The following ZNF618 variants were observed in gnomAD, a reference collection of about 807,000 sequenced individuals.
The protein encoded by ZNF618 is neural precursor cell expressed, developmentally down-regulated 10.
A neutral mutation model predicts 103.0 loss-of-function variants in ZNF618; 34 were observed. The observed-to-expected ratio is 0.33, with a 90% confidence interval of 0.25 to 0.44. The LOEUF (loss-of-function observed/expected upper bound fraction) is 0.44. Ranked by LOEUF, ZNF618 falls within the 20% of genes least tolerant of loss-of-function variation. The probability of loss-of-function intolerance (pLI) is 1.00; values close to 1 mark genes in which losing one functional copy is unlikely to be tolerated. For synonymous variants in ZNF618, 551 were observed against 542.2 expected (o/e 1.02, Z -0.23); for missense variants, 1,059 against 1,295.4 (o/e 0.82, Z 2.80).
At chr9:113,936,350 A>C (rs871807) in intron 1 of ZNF618, among the ~76,000 whole-genome samples, 6,382 of 152,364 alleles carry the variant, frequency 0.042, 583 homozygotes, top group East Asian at 0.3. Flanking sequence ...AAATAAAATA[A>C]GTAAAGTGCC....
intron 1 of ZNF618, among the ~76,000 whole-genome samples, chr9:113,939,653 T>C (rs1455306559): frequency 6.6e-6 from 1 of 152,202 alleles, no homozygotes; most frequent in South Asian, 2.1e-4. Context: ...TATTGGCCTA[T>C]TTGTTTTCTA....
chr9:114,001,387 T>G (rs1018519076), intron 4 of ZNF618, among the ~76,000 whole-genome samples: 3 of 151,806 alleles, frequency 2.0e-5, no homozygotes, highest in Non-Finnish European at 4.4e-5. Context: ...CTGTCTAGAG[T>G]AGGGCTGGGC....
In ZNF618 at chr9:114,028,445, T is replaced by C; in HGVS notation, c.845-288T>C. On this transcript the variant is annotated intron_variant, in intron 10 of 14. Transcript: ENST00000374126. ...TTGGGCCTGGGTTAACCAATTCAGA[T>C]GCCCTAAGAGCCAGTCAGTCCAGAG... 4.8e-6 allele frequency: 2 copies of C among 419,880 alleles called. 1 individual carries two copies. Among genetic ancestry groups the C allele is most frequent in the Admixed American group, 8.1e-5 (2 of 24,806 alleles). The allele number at this position is 419,880 out of a possible 1,614,324, so 26.0% of individuals were successfully genotyped here. A position where few individuals can be genotyped will look rare whatever the true frequency, so the allele number is the denominator to read the frequency against.
intron 13 of ZNF618, among the ~76,000 whole-genome samples, chr9:114,037,522 C>T (rs1050021350): frequency 6.6e-6 from 1 of 152,176 alleles, no homozygotes; most frequent in Non-Finnish European, 1.5e-5. Context: ...AGCTGTCCCT[C>T]CACCCCTTTC....
At chr9:114,003,197 C>T (rs1034582483) in intron 6 of ZNF618, among the ~76,000 whole-genome samples, 3 of 152,234 alleles carry the variant, frequency 2.0e-5, no homozygotes, top group South Asian at 2.1e-4. Context: ...GCACCTGGGG[C>T]GGCACAGGGC....
intron 1 of ZNF618, among the ~76,000 whole-genome samples, chr9:113,933,291 C>G (rs888795116): frequency 1.3e-5 from 2 of 152,168 alleles, no homozygotes; most frequent in African/African-American, 4.8e-5. Context: ...GGGGCATGTT[C>G]CCTAGTGCTG....
intron 1 of ZNF618, among the ~76,000 whole-genome samples, chr9:113,964,227 A>G (rs1258692784): frequency 1.3e-5 from 2 of 152,150 alleles, no homozygotes; most frequent in Admixed American, 6.5e-5. Flanking sequence ...AGCCTCCCCG[A>G]GCCTCAGGCT....
At chr9:114,025,725 C>A (rs941642481) in intron 10 of ZNF618, among the ~76,000 whole-genome samples, 8 of 152,008 alleles carry the variant, frequency 5.3e-5, no homozygotes, top group Admixed American at 5.2e-4. Flanking sequence ...GCCCCATCTG[C>A]CTTATACCTT....
chr9:114,050,938 C>T lies in ZNF618; in HGVS notation c.*771C>T, dbSNP rs1846095636. 6.6e-6 allele frequency: 1 copy of T among 152,634 alleles called. No individual in the cohort carries two copies. Among genetic ancestry groups the T allele is most frequent in the Admixed American group, 6.5e-5 (1 of 15,280 alleles). The allele number at this position is 152,634 out of a possible 1,614,324, so 9.5% of individuals were successfully genotyped here. On this transcript the variant is annotated 3_prime_UTR_variant, in exon 15 of 15. Coordinates refer to ENST00000374126, the MANE Select transcript of ZNF618 (RefSeq NM_001318042.2). ...TTAGAAACACACCTATCTATCTCCC[C>T]AAATCAGGAAAGGAGACTTAAAGAG...
chr9:113,904,883 G>A (rs1830850492), intron 1 of ZNF618, among the ~76,000 whole-genome samples: 2 of 151,996 alleles, frequency 1.3e-5, no homozygotes, highest in African/African-American at 4.8e-5. Context: ...CCCTTGCCTT[G>A]AGCCCACTCC....
At chr9:114,038,967 C>T (rs1035650358) in intron 13 of ZNF618, among the ~76,000 whole-genome samples, 10 of 152,218 alleles carry the variant, frequency 6.6e-5, no homozygotes, top group Non-Finnish European at 1.5e-4. Context: ...CGGAACAACC[C>T]TCAGAGTTAA....
Position 114,028,772 on chromosome 9 carries a change from C to T in ZNF618, c.884C>T (p.Thr295Met), listed in dbSNP as rs1367764187. 3 of 1,550,584 alleles carry T rather than the reference C, an allele frequency of 1.9e-6. No homozygotes were observed. Among genetic ancestry groups the T allele is most frequent in the South Asian group, 2.4e-5 (2 of 84,060 alleles). ...TGGGAGCCACCGGATGATCCAGACACGGGCTCTGAGTGTTCACATCCAGAG... is the reference window on the plus strand; with the variant it reads ...TGGGAGCCACCGGATGATCCAGACATGGGCTCTGAGTGTTCACATCCAGAG... Reference protein sequence around the residue: ...PGWEPPDDPDTGSECSHPEVS... With the variant: ...PGWEPPDDPDMGSECSHPEVS... The change falls in exon 11 of 15, where the codon ACG (threonine) becomes ATG (methionine). Residue 295 changes from threonine (T) to methionine (M), a missense_variant. By Grantham distance (81) the Thr-to-Met change is moderately conservative (BLOSUM62 -1). This residue lies in a region of ZNF618 where 434 missense variants were observed against 476.0 expected (regional missense o/e 0.91). Transcript: ENST00000374126.
chr9:113,883,913 C>T (rs1828758557), intron 1 of ZNF618, among the ~76,000 whole-genome samples: 2 of 144,244 alleles, frequency 1.4e-5, no homozygotes, highest in African/African-American at 5.1e-5. Flanking sequence ...TGTTGTTGTC[C>T]TCCTGGTGGG....
intron 4 of ZNF618, among the ~76,000 whole-genome samples, chr9:114,001,241 G>A (rs1161862665): frequency 1.3e-5 from 2 of 151,506 alleles, no homozygotes; most frequent in Non-Finnish European, 2.9e-5. Context: ...GGCCATTTCA[G>A]TCTCCCTGCT....
chr9:114,033,557 C>A (rs1844296666), intron 12 of ZNF618, among the ~76,000 whole-genome samples: 1 of 152,126 alleles, frequency 6.6e-6, no homozygotes, highest in Non-Finnish European at 1.5e-5. Context: ...CCCCCTGACG[C>A]CTGCCTCTTC....
At chr9:114,039,346 T>G (rs562911411) in intron 13 of ZNF618, among the ~76,000 whole-genome samples, 1 of 120,648 alleles carries the variant, frequency 8.3e-6, no homozygotes, top group Non-Finnish European at 1.9e-5. Context: ...GTTTGTTTTT[T>G]TTTTTTTTTT....
chr9:114,018,264 T>C, intron 10 of ZNF618, among the ~76,000 whole-genome samples: 1 of 152,148 alleles, frequency 6.6e-6, no homozygotes, highest in Non-Finnish European at 1.5e-5. Flanking sequence ...TTGACCCACT[T>C]GTGGTGCTGA....
intron 1 of ZNF618, among the ~76,000 whole-genome samples, chr9:113,960,755 T>G (rs753186943): frequency 2.6e-5 from 4 of 152,166 alleles, no homozygotes; most frequent in Admixed American, 6.5e-5. Flanking sequence ...GTCTTCACAT[T>G]TCTGTTCCAT....
At chr9:113,920,583 G>A (rs542322693) in intron 1 of ZNF618, among the ~76,000 whole-genome samples, 1 of 152,042 alleles carries the variant, frequency 6.6e-6, no homozygotes, top group South Asian at 2.1e-4. Context: ...TTTATTTTTA[G>A]TAGAGACAGG....
Sources: gnomAD v4.1 joint callset for allele counts (sites outside exome capture counted in the v4.1 genomes callset) on GRCh38, gnomAD v4.1.1 for gene constraint, gnomAD v4.1.1 regional missense constraint, MANE v1.5 for transcripts, NCBI Gene and HGNC (gene_info 2026-07-23, HGNC 2026-07-21) for gene names.